The following AFM variants were observed in gnomAD, a reference collection of about 807,000 sequenced individuals.
AFM encodes the protein alpha-Alb.
A neutral mutation model predicts 68.7 loss-of-function variants in AFM; 82 were observed. That is an observed-to-expected ratio of 1.19 (90% CI 1.00 to 1.43). AFM has a LOEUF of 1.43. AFM is among the 40% of genes most tolerant of loss of function. The pLI is 0.00. For missense variants in AFM, 772 were observed against 701.8 expected (o/e 1.10, Z -1.13); for synonymous variants, 250 against 234.2 (o/e 1.07, Z -0.61).
intron 14 of AFM, among the ~76,000 whole-genome samples, chr4:73,503,598 T>C (rs1420218908): frequency 6.6e-6 from 1 of 152,170 alleles, no homozygotes; most frequent in Non-Finnish European, 1.5e-5. Context: ...AAAAGCGATA[T>C]GTTTGTGATT....
chr4:73,498,899 C>A (rs988110912), intron 10 of AFM, among the ~76,000 whole-genome samples: 1 of 151,940 alleles, frequency 6.6e-6, no homozygotes, highest in Non-Finnish European at 1.5e-5. Flanking sequence ...CTGAGACAAC[C>A]GTGAAATTAG....
At chr4:73,488,828 G>C in intron 7 of AFM, 69 bp downstream of exon 7, 5 of 1,486,644 alleles carry the variant, frequency 3.4e-6, no homozygotes, top group Middle Eastern at 1.7e-4. Flanking sequence ...TTCTCAAGTT[G>C]CCCTGATATG....
intron 11 of AFM, 56 bp downstream of exon 11, chr4:73,499,302 T>A: frequency 7.3e-7 from 1 of 1,364,340 alleles, no homozygotes; most frequent in Non-Finnish European, 9.7e-7. Context: ...AAAAAAAGAA[T>A]ATTTGCACTC....
chr4:73,486,287 G>A (rs982962905), intron 4 of AFM, among the ~76,000 whole-genome samples: 3 of 152,104 alleles, frequency 2.0e-5, no homozygotes, highest in Admixed American at 6.5e-5. Context: ...TTATATTAAC[G>A]AATTTTATCT....
chr4:73,491,766 G>A (rs577462192), intron 7 of AFM, 106 bp from the exon 8 acceptor site: 7 of 933,738 alleles, frequency 7.5e-6, no homozygotes, highest in Admixed American at 7.3e-5. Flanking sequence ...AATTGATGAA[G>A]TGATTCCAGA....
At chr4:73,494,624 G>C (rs1358911912) in intron 8 of AFM, among the ~76,000 whole-genome samples, 2 of 152,192 alleles carry the variant, frequency 1.3e-5, no homozygotes, top group Admixed American at 1.3e-4. Context: ...AAATGAGAAA[G>C]TGTTTATAAA....
intron 8 of AFM, 145 bp from the exon 9 acceptor site, chr4:73,495,155 T>C: frequency 3.0e-6 from 2 of 661,320 alleles, no homozygotes; most frequent in Non-Finnish European, 4.6e-6. Flanking sequence ...AAATGTCCTC[T>C]TAAATTACTC....
chr4:73,485,871 T>C lies in AFM; in HGVS notation c.280T>C (p.Leu94=). 1 of 1,613,720 alleles carries C rather than the reference T, an allele frequency of 6.2e-7. No homozygotes were observed. Among genetic ancestry groups the C allele is most frequent in the Non-Finnish European group, 8.5e-7 (1 of 1,179,730 alleles). The stretch of plus-strand genomic sequence containing the variant: ...CTTCTCTGTTGTATAGAATAATGTT[T>C]TACAGGAAAAAATATGTGCTATGGA... The part of the protein sequence containing the change: ...PECSKLPNNV[L]QEKICAMEGL... The change falls in exon 4 of 15, where the codon TTA becomes CTA. Residue 94 remains leucine (L), a synonymous_variant. Coordinates refer to ENST00000226355, the MANE Select transcript of AFM (RefSeq NM_001133.2).
chr4:73,495,619 G>A (rs1442586915), intron 9 of AFM, among the ~76,000 whole-genome samples, 187 bp downstream of exon 9: 2 of 152,172 alleles, frequency 1.3e-5, no homozygotes, highest in Non-Finnish European at 2.9e-5. Flanking sequence ...GATGCATAAT[G>A]TTTTGGACTA....
chr4:73,501,269 A>G (rs918643139), intron 12 of AFM, among the ~76,000 whole-genome samples: 30 of 152,240 alleles, frequency 2.0e-4, no homozygotes, highest in African/African-American at 7.2e-4. Context: ...GACATATAAT[A>G]GTTGTACATA....
In AFM at chr4:73,503,886, C is replaced by T. The variant is rs1453871111; in HGVS notation, c.*51C>T. The T allele has an allele frequency of 2.6e-5, 4 of 152,006 alleles. No homozygotes were observed. Among genetic ancestry groups the T allele is most frequent in the Admixed American group, 2.6e-4 (4 of 15,230 alleles). 9.4% of individuals were successfully genotyped at this position (152,006 alleles called of 1,614,324 possible). On this transcript the variant is annotated 3_prime_UTR_variant, in exon 15 of 15. Coordinates refer to ENST00000226355, the MANE Select transcript of AFM (RefSeq NM_001133.2). ...ATCTTCTCTTTCCAGGGAAGGCTTC[C>T]TATCTGTGTGGTGATGAATCGCATT...
chr4:73,482,243 A>G (rs192927197), intron 1 of AFM, among the ~76,000 whole-genome samples: 1 of 152,344 alleles, frequency 6.6e-6, no homozygotes, highest in Non-Finnish European at 1.5e-5. Flanking sequence ...TGTCCAACAT[A>G]TTTCCCAACT....
In AFM at chr4:73,487,087, C is replaced by A; in HGVS notation, c.603C>A (p.Cys201Ter). 2 of 1,613,868 alleles carry A rather than the reference C, an allele frequency of 1.2e-6. No individual in the cohort carries two copies. Among genetic ancestry groups the A allele is most frequent in the Non-Finnish European group, 1.7e-6 (2 of 1,179,866 alleles). Reference protein sequence around the residue: ...SCCEEQNKVNCLQTRAIPVTQ... With the variant: ...SCCEEQNKVN ...GTGAAGAACAAAACAAAGTCAACTGCCTTCAAACAAGGGTGGGTATAGCAT... is the reference window on the plus strand; with the variant it reads ...GTGAAGAACAAAACAAAGTCAACTGACTTCAAACAAGGGTGGGTATAGCAT... The change falls in exon 5 of 15, where the codon TGC (cysteine) becomes TGA (stop). Residue 201 changes from cysteine (C) to a stop codon, truncating the protein, a stop_gained. Coordinates refer to ENST00000226355, the MANE Select transcript of AFM (RefSeq NM_001133.2). LOFTEE classifies it high-confidence loss of function.
chr4:73,500,036 A>G lies in AFM; in HGVS notation c.1455A>G (p.Val485=). The stretch of plus-strand genomic sequence containing the variant: ...TAGTTTTTGGAGAGTTATGTGGAGT[A>G]AATGAAAATCGAACTATCAACCCTG... ...ADLVFGELCG[V]NENRTINPAV... Residue 485 remains valine, a synonymous_variant, in exon 12 of 15, where the codon GTA becomes GTG. Transcript: ENST00000226355. 1 of 1,614,046 alleles carries G rather than the reference A, an allele frequency of 6.2e-7. No individual in the cohort carries two copies. Among genetic ancestry groups the G allele is most frequent in the Middle Eastern group, 1.7e-4 (1 of 6,058 alleles).
At chr4:73,495,092 G>T in intron 8 of AFM, 1 of 359,582 alleles carries the variant, frequency 2.8e-6, no homozygotes, top group Non-Finnish European at 4.9e-6. Flanking sequence ...AAAAAATATT[G>T]TTAATCTAAA....
intron 10 of AFM, 74 bp downstream of exon 10, chr4:73,497,823 T>C (rs1325634081): frequency 1.0e-6 from 1 of 1,002,900 alleles, no homozygotes. Context: ...CGTAAAAAAG[T>C]TAGCTGTCAA....
intron 12 of AFM, among the ~76,000 whole-genome samples, chr4:73,501,186 T>G (rs1243547252): frequency 6.6e-6 from 1 of 150,752 alleles, no homozygotes; most frequent in African/African-American, 2.5e-5. Flanking sequence ...AAATCATTAT[T>G]GTCTATGGCT....
Position 73,492,066 on chromosome 4 carries a change from C to A in AFM, c.1038C>A (p.Asp346Glu). 2 of 1,609,352 alleles carry A rather than the reference C, an allele frequency of 1.2e-6. No homozygotes were observed. The highest frequency in any genetic ancestry group is 1.7e-6 in the Non-Finnish European group (2 of 1,178,866). ...SENVCQERDADPDTFFAKFTF... is the reference protein window; with the variant it reads ...SENVCQERDAEPDTFFAKFTF... ...ATGTGTGTCAAGAACGAGATGCTGA[C>A]CCAGACACCTTCTTTGCGAAGTAAT... Residue 346 changes from aspartate to glutamate, a missense_variant, in exon 8 of 15, where the codon GAC (aspartate) becomes GAA (glutamate). Coordinates refer to ENST00000226355, the MANE Select transcript of AFM (RefSeq NM_001133.2).
intron 13 of AFM, 140 bp from the exon 14 acceptor site, chr4:73,502,910 A>T (rs1023626582): frequency 2.4e-6 from 2 of 817,224 alleles, no homozygotes; most frequent in African/African-American, 3.5e-5. Flanking sequence ...TCACTAGAAG[A>T]AAGAATGTTT....
Sources: allele counts gnomAD v4.1 joint callset (sites outside exome capture counted in the v4.1 genomes callset), GRCh38; gene constraint gnomAD v4.1.1; transcripts MANE v1.5; gene names NCBI Gene and HGNC (gene_info 2026-07-23, HGNC 2026-07-21).